The following FPR3 variants were observed in gnomAD, a reference collection of about 807,000 sequenced individuals.
The protein encoded by FPR3 is formyl peptide receptor 3.
For synonymous variants in FPR3, 135 were observed against 163.6 expected, an observed-to-expected ratio of 0.83 and a Z score of 1.34; for missense variants, 346 against 443.2, an observed-to-expected ratio of 0.78 and a Z score of 1.97.
Position 51,825,136 on chromosome 19 carries a change from T to C in FPR3, c.*326T>C, listed in dbSNP as rs553121252. ...GAAACTTCGGACCAACCAGCTTCAA[T>C]CAGGGTTCCCACTACCCCCTCTTTG... On this transcript the variant is annotated 3_prime_UTR_variant, in exon 2 of 2. Coordinates refer to ENST00000339223, the MANE Select transcript of FPR3 (RefSeq NM_002030.5). 2 of 257,706 alleles carry C rather than the reference T, an allele frequency of 7.8e-6. No individual in the cohort carries two copies. Among genetic ancestry groups the C allele is most frequent in the Admixed American group, 5.1e-5 (1 of 19,744 alleles). 16.0% of individuals were successfully genotyped at this position (257,706 alleles called of 1,614,324 possible).
intron 1 of FPR3, among the ~76,000 whole-genome samples, chr19:51,813,613 C>T (rs766457950): frequency 6.6e-6 from 1 of 151,904 alleles, no homozygotes; most frequent in Non-Finnish European, 1.5e-5. Flanking sequence ...TCACTGCAAG[C>T]TCCACCTCCC....
chr19:51,798,751 A>G (rs2084013543), intron 1 of FPR3, among the ~76,000 whole-genome samples: 1 of 152,184 alleles, frequency 6.6e-6, no homozygotes, highest in Admixed American at 6.5e-5. Flanking sequence ...TATGAGTATT[A>G]GATGTAAACA....
chr19:51,814,124 T>C (rs2084117098), intron 1 of FPR3, among the ~76,000 whole-genome samples: 3 of 152,262 alleles, frequency 2.0e-5, no homozygotes, highest in African/African-American at 4.8e-5. Context: ...CTATACTTTA[T>C]CACTGAAAAC....
intron 1 of FPR3, among the ~76,000 whole-genome samples, chr19:51,802,992 A>G (rs1265023487): frequency 1.3e-5 from 2 of 152,150 alleles, no homozygotes; most frequent in African/African-American, 2.4e-5. Context: ...ATGAATCCTC[A>G]CCCTCTATGT....
At chr19:51,823,496 G>A (rs2084205879) in intron 1 of FPR3, among the ~76,000 whole-genome samples, 1 of 152,074 alleles carries the variant, frequency 6.6e-6, no homozygotes, top group African/African-American at 2.4e-5. Context: ...GGTGGACAGA[G>A]CCCTTTAATC....
chr19:51,804,468 C>T (rs888214271), intron 1 of FPR3, among the ~76,000 whole-genome samples: 9 of 151,920 alleles, frequency 5.9e-5, no homozygotes, highest in African/African-American at 1.4e-4. Flanking sequence ...AATATATAAC[C>T]GCATCAAAAC....
chr19:51,813,409 A>G (rs562431101), intron 1 of FPR3, among the ~76,000 whole-genome samples: 1 of 151,754 alleles, frequency 6.6e-6, no homozygotes, highest in Admixed American at 6.6e-5. Context: ...AACCTCATTT[A>G]TATTTTTATT....
chr19:51,813,756 G>A (rs183714758), intron 1 of FPR3, among the ~76,000 whole-genome samples: 2 of 152,052 alleles, frequency 1.3e-5, no homozygotes, highest in Admixed American at 6.5e-5. Flanking sequence ...GGATGGACTC[G>A]ATCTCCTGAC....
At chr19:51,816,759 G>A (rs952412655) in intron 1 of FPR3, among the ~76,000 whole-genome samples, 19 of 152,104 alleles carry the variant, frequency 1.2e-4, no homozygotes, top group East Asian at 3.9e-4. Flanking sequence ...TAACTTGTGC[G>A]ATCTGATGCT....
At position 51,823,932 on chromosome 19, in the gene FPR3, A is replaced by G; in HGVS notation, c.184A>G (p.Ile62Val). The G allele has an allele frequency of 6.2e-7, 1 of 1,614,024 alleles. No homozygotes were observed. Among genetic ancestry groups the G allele is most frequent in the Non-Finnish European group, 8.5e-7 (1 of 1,179,982 alleles). The change falls in exon 2 of 2, where the codon ATC (isoleucine) becomes GTC (valine). Residue 62 changes from isoleucine to valine, a missense_variant. By Grantham distance (29) the Ile-to-Val change is conservative (BLOSUM62 3). Coordinates refer to ENST00000339223, the MANE Select transcript of FPR3 (RefSeq NM_002030.5). ...GFRMTRTVNT[I>V]CYLNLALADF... is the part of the protein sequence containing the mutation. ...CCGGATGACACGCACAGTCAACACC[A>G]TCTGTTACCTGAACCTGGCCCTAGC...
chr19:51,805,095 G>T (rs577909371), intron 1 of FPR3: 52 of 152,304 alleles, frequency 3.4e-4, no homozygotes, highest in African/African-American at 1.3e-3. Context: ...TAAACAGTTT[G>T]CTGTTTGATC....
At chr19:51,806,713 C>T (rs1021491288) in intron 1 of FPR3, among the ~76,000 whole-genome samples, 3 of 152,188 alleles carry the variant, frequency 2.0e-5, no homozygotes, top group African/African-American at 7.2e-5. Context: ...TAGGTATTCC[C>T]ATATGAGCAA....
At chr19:51,817,521 T>G (rs2084147568) in intron 1 of FPR3, among the ~76,000 whole-genome samples, 4 of 149,286 alleles carry the variant, frequency 2.7e-5, no homozygotes, top group African/African-American at 4.8e-5. Context: ...GTTTTGTTTT[T>G]TTTTTTAAAT....
rs746923030 is a variant in FPR3 at position 51,823,939 on chromosome 19, A to ACC, written c.192_193dup (p.Leu65ProfsTer2). Reference sequence around the variant, plus strand: ...ACACGCACAGTCAACACCATCTGTTACCTGAACCTGGCCCTAGCTGACTTC... The same window carrying ACC: ...ACACGCACAGTCAACACCATCTGTTACCCCTGAACCTGGCCCTAGCTGACTTC... On this transcript the variant is annotated frameshift_variant, in exon 2 of 2. Transcript: ENST00000339223. LOFTEE classifies it low-confidence loss of function (END_TRUNC). 10 of 1,613,922 alleles carry ACC rather than the reference A, an allele frequency of 6.2e-6. No homozygotes were observed. The highest frequency in any genetic ancestry group is 6.8e-6 in the Non-Finnish European group (8 of 1,180,004).
intron 1 of FPR3, among the ~76,000 whole-genome samples, chr19:51,813,952 A>T (rs1245721917): frequency 6.6e-6 from 1 of 152,218 alleles, no homozygotes; most frequent in Non-Finnish European, 1.5e-5. Flanking sequence ...AGTGGCAGCC[A>T]TTCTGTGGTC....
intron 1 of FPR3, among the ~76,000 whole-genome samples, chr19:51,817,515 T>TG (rs1206355736): frequency 7.8e-6 from 1 of 127,780 alleles, no homozygotes; most frequent in East Asian, 2.5e-4. Context: ...CAATCTGTTT[T>TG]GTTTTTTTTT....
At chr19:51,804,189 T>C (rs1388721165) in intron 1 of FPR3, 3 of 151,994 alleles carry the variant, frequency 2.0e-5, no homozygotes, top group African/African-American at 2.4e-5. Flanking sequence ...AATTTTCTCA[T>C]ACGAGGCTCA....
At chr19:51,796,881 A>T (rs1393071385) in intron 1 of FPR3, among the ~76,000 whole-genome samples, 3 of 152,202 alleles carry the variant, frequency 2.0e-5, no homozygotes, top group Non-Finnish European at 4.4e-5. Context: ...CACGGCTGAT[A>T]ATTTAGATGA....
In FPR3 at chr19:51,825,010, A is replaced by G; in HGVS notation, c.*200A>G. ...CTGGGTGTCCTACAATTAAATTCCA[A>G]CACTATCTACCTGGAGCTACTGTCA... On this transcript the variant is annotated 3_prime_UTR_variant, in exon 2 of 2. Coordinates refer to ENST00000339223, the MANE Select transcript of FPR3 (RefSeq NM_002030.5). 1.8e-6 allele frequency: 1 copy of G among 570,550 alleles called. No individual in the cohort carries two copies. Among genetic ancestry groups the G allele is most frequent in the South Asian group, 2.3e-5 (1 of 43,162 alleles). The allele number at this position is 570,550 out of a possible 1,614,324, so 35.3% of individuals were successfully genotyped here.
Sources: gnomAD v4.1 joint callset for allele counts (sites outside exome capture counted in the v4.1 genomes callset) on GRCh38, gnomAD v4.1.1 for gene constraint, MANE v1.5 for transcripts, NCBI Gene and HGNC (gene_info 2026-07-23, HGNC 2026-07-21) for gene names.